The following GRIK3 variants were observed in gnomAD, a reference collection of about 807,000 sequenced individuals.
The protein encoded by GRIK3 is glutamate receptor ionotropic, kainate 3.
Under a neutral mutation model 102.5 loss-of-function variants are expected in GRIK3, and 29 were observed. The observed-to-expected ratio is 0.28, with a 90% CI of 0.21 to 0.39. The LOEUF (loss-of-function observed/expected upper bound fraction) is 0.39, where lower values mean the gene tolerates loss of function less well. Ranked by LOEUF, GRIK3 falls within the 10% of genes least tolerant of loss-of-function variation. The pLI, the probability that GRIK3 is intolerant of heterozygous loss-of-function variation, is 1.00. For synonymous variants in GRIK3, 511 were observed against 504.9 expected (o/e 1.01, Z -0.16); for missense variants, 908 against 1,252.4 (o/e 0.73, Z 4.15).
chr1:37,024,544 A>G (rs1642747912), intron 1 of GRIK3, among the ~76,000 whole-genome samples: 1 of 151,270 alleles, frequency 6.6e-6, no homozygotes, highest in East Asian at 1.9e-4. Context: ...CAGGAGTTCG[A>G]CCAGCCTGGC....
At chr1:37,030,230 G>C (rs1397830310) in intron 1 of GRIK3, among the ~76,000 whole-genome samples, 1 of 152,194 alleles carries the variant, frequency 6.6e-6, no homozygotes, top group African/African-American at 2.4e-5. Context: ...GCTGCTGTCT[G>C]CTCCTACAAG....
chr1:36,871,147 G>A (rs911228841), intron 4 of GRIK3, among the ~76,000 whole-genome samples: 1 of 152,214 alleles, frequency 6.6e-6, no homozygotes, highest in South Asian at 2.1e-4. Context: ...CATCTACAGA[G>A]GAGGGGAATG....
At chr1:36,958,234 C>T (rs1249482861) in intron 1 of GRIK3, among the ~76,000 whole-genome samples, 9 of 95,302 alleles carry the variant, frequency 9.4e-5, no homozygotes, top group Middle Eastern at 0.012. Flanking sequence ...CTGTGTGCCC[C>T]GTGAGCCTGT....
intron 1 of GRIK3, among the ~76,000 whole-genome samples, chr1:37,008,091 A>G (rs1412981894): frequency 6.6e-6 from 1 of 152,090 alleles, no homozygotes; most frequent in African/African-American, 2.4e-5. Context: ...ACCACCACAT[A>G]TGTCCCCTCC....
chr1:36,922,903 G>T (rs999410645), intron 1 of GRIK3, among the ~76,000 whole-genome samples: 2 of 152,210 alleles, frequency 1.3e-5, no homozygotes, highest in African/African-American at 4.8e-5. Flanking sequence ...AAAGGCAGGA[G>T]ATGGCCCTTG....
intron 1 of GRIK3, among the ~76,000 whole-genome samples, chr1:37,022,347 G>A (rs1327493612): frequency 6.6e-6 from 1 of 152,198 alleles, no homozygotes; most frequent in African/African-American, 2.4e-5. Context: ...AAGAGCAGCC[G>A]AGATGCTGAC....
chr1:36,825,779 C>T lies in GRIK3; in HGVS notation c.1578G>A (p.Glu526=). 1 of 1,613,754 alleles carries T rather than the reference C, an allele frequency of 6.2e-7. No homozygotes were observed. The highest frequency in any genetic ancestry group is 8.5e-7 in the Non-Finnish European group (1 of 1,179,822). Residue 526 remains glutamate (E), a synonymous_variant, in exon 11 of 16, where the codon GAG becomes GAA. Transcript: ENST00000373091. ...VAPLTITHVR[E]KAIDFSKPFM... is the part of the protein sequence containing the mutation. ...AGGGCTTGGAGAAGTCGATGGCCTT[C>T]TCTCGAACATGGGTGATGGTCAGGG...
chr1:36,886,736 T>A (rs1396526228), intron 2 of GRIK3, among the ~76,000 whole-genome samples: 2 of 152,220 alleles, frequency 1.3e-5, no homozygotes, highest in African/African-American at 2.4e-5. Flanking sequence ...CATTCATACG[T>A]CATGCACTCA....
intron 3 of GRIK3, among the ~76,000 whole-genome samples, chr1:36,878,155 C>A (rs1230825740): frequency 1.3e-5 from 2 of 152,230 alleles, no homozygotes; most frequent in Non-Finnish European, 2.9e-5. Flanking sequence ...ATCCTGGAGA[C>A]ACTGAAAGCT....
intron 1 of GRIK3, among the ~76,000 whole-genome samples, chr1:37,017,369 T>TAAAAAAAAAAAA (rs774819790): frequency 2.1e-5 from 1 of 48,534 alleles, no homozygotes; most frequent in Non-Finnish European, 3.5e-5. Flanking sequence ...CCCTGTCTCT[T>TAAAAAAAAAAAA]AAAAAAAAAA....
intron 13 of GRIK3, among the ~76,000 whole-genome samples, chr1:36,809,749 C>CAG (rs1293205360): frequency 1.2e-4 from 18 of 152,144 alleles, no homozygotes; most frequent in Non-Finnish European, 5.9e-5. Context: ...AGTGTTGAGG[C>CAG]AGATGGGCTC....
intron 1 of GRIK3, among the ~76,000 whole-genome samples, chr1:36,976,362 G>A (rs1642196386): frequency 6.8e-6 from 1 of 147,632 alleles, no homozygotes; most frequent in African/African-American, 2.6e-5. Context: ...TTATATGAAT[G>A]TGCATTTTTT....
intron 1 of GRIK3, among the ~76,000 whole-genome samples, chr1:36,928,633 C>T (rs976343945): frequency 1.3e-5 from 2 of 152,214 alleles, no homozygotes; most frequent in African/African-American, 4.8e-5. Flanking sequence ...AATAAAGGGC[C>T]AAATGGCCAC....
At chr1:37,009,033 A>G (rs1389984220) in intron 1 of GRIK3, among the ~76,000 whole-genome samples, 1 of 151,488 alleles carries the variant, frequency 6.6e-6, no homozygotes, top group Admixed American at 6.6e-5. Flanking sequence ...AAAGCTACTT[A>G]CCCCTCTGAG....
At chr1:36,955,480 C>T (rs1046649020) in intron 1 of GRIK3, among the ~76,000 whole-genome samples, 3 of 152,194 alleles carry the variant, frequency 2.0e-5, no homozygotes, top group Admixed American at 6.5e-5. Context: ...TGGGAGGCCC[C>T]GCACATCACT....
chr1:36,914,266 T>G (rs955787915), intron 1 of GRIK3, among the ~76,000 whole-genome samples: 2 of 152,218 alleles, frequency 1.3e-5, no homozygotes, highest in African/African-American at 4.8e-5. Flanking sequence ...ACCTCTGGCT[T>G]GGCTGGAGGG....
In GRIK3 at chr1:36,841,079, G is replaced by A. The variant is rs1640443871; in HGVS notation, c.1530+657C>T. Among the ~76,000 whole-genome samples, 3 of 152,242 alleles carry A rather than the reference G, an allele frequency of 2.0e-5. 1 individual carries two copies. Among genetic ancestry groups the A allele is most frequent in the African/African-American group, 7.2e-5 (3 of 41,544 alleles). On this transcript the variant is annotated intron_variant, in intron 10 of 15. Coordinates refer to ENST00000373091, the MANE Select transcript of GRIK3 (RefSeq NM_000831.4). ...CAGGGCCTCCTAATTCCTCCCTTGTGGTGGTGTCTCCAGCCTGTGGCTTCT... is the reference window on the plus strand; with the variant it reads ...CAGGGCCTCCTAATTCCTCCCTTGTAGTGGTGTCTCCAGCCTGTGGCTTCT...
intron 1 of GRIK3, among the ~76,000 whole-genome samples, chr1:36,926,684 C>T (rs1015984262): frequency 6.6e-6 from 1 of 152,216 alleles, no homozygotes; most frequent in African/African-American, 2.4e-5. Flanking sequence ...CCACCGTGCC[C>T]GGCCCTACTC....
At chr1:36,931,864 T>C (rs1379360016) in intron 1 of GRIK3, among the ~76,000 whole-genome samples, 2 of 152,188 alleles carry the variant, frequency 1.3e-5, no homozygotes, top group African/African-American at 4.8e-5. Flanking sequence ...ACCCCTCTCT[T>C]GTCAGCCTCT....
Sources: allele counts gnomAD v4.1 joint callset (sites outside exome capture counted in the v4.1 genomes callset), GRCh38; gene constraint gnomAD v4.1.1; transcripts MANE v1.5; gene names NCBI Gene and HGNC (gene_info 2026-07-23, HGNC 2026-07-21).